Variants in CCDC33 observed in about 807,000 individuals in gnomAD.
CCDC33 encodes coiled-coil domain-containing protein 33.
In CCDC33, 94 loss-of-function variants were observed where a neutral mutation model predicts 91.9. That is an observed-to-expected ratio of 1.02 (90% CI 0.87 to 1.21). The LOEUF (loss-of-function observed/expected upper bound fraction) is 1.21. CCDC33 is among the 50% of genes most tolerant of loss of function. The pLI, the probability that CCDC33 is intolerant of heterozygous loss-of-function variation, is 0.00. For missense variants in CCDC33, 940 were observed against 935.5 expected, an observed-to-expected ratio of 1.00 and a Z score of -0.06; for synonymous variants, 396 against 374.5, an observed-to-expected ratio of 1.06 and a Z score of -0.66.
At chr15:74,321,015 G>C (rs1454481564) in intron 11 of CCDC33, among the ~76,000 whole-genome samples, 2 of 152,036 alleles carry the variant, frequency 1.3e-5, no homozygotes, top group African/African-American at 4.8e-5. Flanking sequence ...TGGGAGTAAG[G>C]GGACTTCTTA....
intron 10 of CCDC33, among the ~76,000 whole-genome samples, chr15:74,291,898 T>C (rs1180811614): frequency 6.6e-6 from 1 of 152,274 alleles, no homozygotes; most frequent in East Asian, 1.9e-4. Flanking sequence ...GGAAGGGATG[T>C]CTTCTCCCCA....
At chr15:74,236,787 C>T in intron 1 of CCDC33, 47 bp downstream of exon 1, 1 of 1,584,272 alleles carries the variant, frequency 6.3e-7, no homozygotes, top group Non-Finnish European at 8.6e-7. Context: ...TCCGTCCCTC[C>T]TTCAAAGTCC....
rs771765037 is a variant in CCDC33, at chr15:74,280,800, T to C, written c.1022T>C (p.Met341Thr). 8.6e-6 allele frequency: 13 copies of C among 1,517,158 alleles called. 1 individual carries two copies. The highest frequency in any genetic ancestry group is 5.3e-5 in the South Asian group (4 of 75,524). The allele number at this position is 1,517,158 out of a possible 1,614,324, so 94.0% of individuals were successfully genotyped here. A position where few individuals can be genotyped will look rare whatever the true frequency, so the allele number is the denominator to read the frequency against. Reference sequence around the variant, plus strand: ...CTTCACGTGGAGCGGCTCCCCATCATGGTGAGCCCCCTGCCCTGAACTGGG... The same window carrying C: ...CTTCACGTGGAGCGGCTCCCCATCACGGTGAGCCCCCTGCCCTGAACTGGG... ...DGLHVERLPI[M>T]DTSLKTINDE... The change falls in exon 9 of 19, where the codon ATG becomes ACG. Residue 341 changes from methionine to threonine, a missense_variant and splice_region_variant. Transcript: ENST00000398814.
At chr15:74,262,758 A>T (rs2076061466) in intron 3 of CCDC33, among the ~76,000 whole-genome samples, 185 bp downstream of exon 3, 1 of 152,366 alleles carries the variant, frequency 6.6e-6, no homozygotes, top group East Asian at 1.9e-4. Flanking sequence ...TCCTGCTCGA[A>T]AAATGAGTTG....
At chr15:74,324,089 CAAAAAAAAAAA>C (rs55758894) in intron 11 of CCDC33, among the ~76,000 whole-genome samples, 7 of 72,094 alleles carry the variant, frequency 9.7e-5, no homozygotes, top group African/African-American at 3.5e-4. Flanking sequence ...GACTCCATCT[CAAAAAAAAAAA>C]AAAAAAAAAA....
chr15:74,286,749 C>T (rs1253026447), intron 10 of CCDC33, among the ~76,000 whole-genome samples: 2 of 152,156 alleles, frequency 1.3e-5, no homozygotes, highest in African/African-American at 2.4e-5. Context: ...CCACACCCTC[C>T]TCAGCCCACA....
intron 11 of CCDC33, among the ~76,000 whole-genome samples, chr15:74,314,386 G>T (rs759908087): frequency 6.6e-6 from 1 of 152,224 alleles, no homozygotes. Context: ...TGGCCTGGGT[G>T]GGGGAAAGGC....
At chr15:74,264,355 G>A (rs1009214674) in intron 3 of CCDC33, among the ~76,000 whole-genome samples, 6 of 152,208 alleles carry the variant, frequency 3.9e-5, no homozygotes, top group East Asian at 1.9e-4. Context: ...CAAAGGGAAC[G>A]GTGGGAGGCC....
rs1229399958 is a variant in CCDC33 at position 74,218,337 on chromosome 15, G to A, written c.311-160G>A. ...GGAGGGAGCCATGGGTGGGGCCTAG[G>A]AGGGAGTCGCCTACCAGGGAAATCT... On this transcript the variant is annotated intron_variant, in intron 1 of 2. Coordinates refer to the CCDC33 transcript ENST00000635913. The surrounding 1 kb of genome is among the most constrained non-coding windows in gnomAD (Gnocchi z 4.8). Among the ~76,000 whole-genome samples the A allele has an allele frequency of 6.6e-6, 1 of 152,152 alleles. No individual in the cohort carries two copies. The highest frequency in any genetic ancestry group is 1.5e-5 in the Non-Finnish European group (1 of 68,022).
intron 11 of CCDC33, among the ~76,000 whole-genome samples, chr15:74,312,493 G>A (rs2930291): frequency 0.47 from 71,341 of 151,996 alleles, 18,175 homozygotes; most frequent in East Asian, 0.74. Context: ...CGAGACATCG[G>A]TAAGTGCTCG....
chr15:74,218,452 A>G lies in CCDC33; in HGVS notation c.311-45A>G, dbSNP rs2074503962. On this transcript the variant is annotated intron_variant, in intron 1 of 2. Coordinates refer to the CCDC33 transcript ENST00000635913. The surrounding 1 kb of genome is among the most constrained non-coding windows in gnomAD (Gnocchi z 4.8). ...GTCCTCCTAGTCACCTGGCAGATGC[A>G]GAGAAACCTGAGACCATCTCTGAGC... 3 of 1,236,254 alleles carry G rather than the reference A, an allele frequency of 2.4e-6. No individual in the cohort carries two copies. In the South Asian group the frequency reaches 4.2e-5, roughly 17 times the overall value. 76.6% of individuals were successfully genotyped at this position (1,236,254 alleles called of 1,614,324 possible).
intron 11 of CCDC33, among the ~76,000 whole-genome samples, chr15:74,310,909 G>A (rs1039738778): frequency 2.0e-5 from 3 of 152,216 alleles, no homozygotes; most frequent in African/African-American, 7.2e-5. Context: ...CTGAACACAG[G>A]GATTACTGGG....
At chr15:74,256,865 G>T (rs1022475060) in intron 2 of CCDC33, among the ~76,000 whole-genome samples, 7 of 152,252 alleles carry the variant, frequency 4.6e-5, no homozygotes, top group Admixed American at 4.6e-4. Context: ...GTCCGCCATG[G>T]GTGGAAAGGA....
chr15:74,272,973 A>G lies in CCDC33; in HGVS notation c.759+82A>G, dbSNP rs1333449210. ...TCACTCACTCAGTGAGTCAGTCAGC[A>G]GTTCCCTTGACTATCGAGTAAGAGT... On this transcript the variant is annotated intron_variant, in intron 7 of 18. Transcript: ENST00000398814. 4.5e-6 allele frequency: 7 copies of G among 1,542,660 alleles called. No individual in the cohort carries two copies. In the African/African-American group the frequency reaches 8.1e-5, roughly 18 times the overall value.
chr15:74,336,286 G>A (rs2060566215), downstream of CCDC33: 1 of 1,414,968 alleles, frequency 7.1e-7, no homozygotes, highest in Non-Finnish European at 9.3e-7. Flanking sequence ...GAAAGCCAAG[G>A]GCCACAGTGG....
At chr15:74,213,907 G>A (rs374049136), upstream of CCDC33, among the ~76,000 whole-genome samples, 4 of 152,170 alleles carry the variant, frequency 2.6e-5, no homozygotes, top group African/African-American at 9.7e-5. Flanking sequence ...GAGATCAGAG[G>A]TCTATCCCTT....
At position 74,241,702 on chromosome 15, in the gene CCDC33, C is replaced by T. The variant is rs547612656; in HGVS notation, c.22-2283C>T. Among the ~76,000 whole-genome samples, 9 of 152,308 alleles carry T rather than the reference C, an allele frequency of 5.9e-5. No homozygotes were observed. The South Asian group carries it at 1.9e-3, about 32-fold the overall frequency. On this transcript the variant is annotated intron_variant, in intron 1 of 18. Transcript: ENST00000398814. Reference sequence around the variant, plus strand: ...AGTCGGAGAGGAAACAGAACTCCATCAGAGGCGAGTCGGGACATACAGGTG... The same window carrying T: ...AGTCGGAGAGGAAACAGAACTCCATTAGAGGCGAGTCGGGACATACAGGTG...
chr15:74,217,080 G>A (rs1422995696), upstream of CCDC33: 1 of 288,554 alleles, frequency 3.5e-6, no homozygotes, highest in East Asian at 9.5e-5. Context: ...CTAAAAGGAA[G>A]GGATCGATGG....
intron 18 of CCDC33, chr15:74,335,560 C>G (rs1196848192): frequency 2.9e-6 from 1 of 343,628 alleles, no homozygotes; most frequent in African/African-American, 2.1e-5. Context: ...CTCACAACTG[C>G]CCCTCAAGTT....
Sources: gnomAD v4.1 joint callset for allele counts (sites outside exome capture counted in the v4.1 genomes callset) on GRCh38, gnomAD v4.1.1 for gene constraint, Gnocchi (gnomAD v3.1) non-coding constraint, MANE v1.5 for transcripts, NCBI Gene and HGNC (gene_info 2026-07-23, HGNC 2026-07-21) for gene names.